The following PIP5K1B variants were observed in gnomAD, a reference collection of about 807,000 sequenced individuals.
PIP5K1B encodes the protein phosphatidylinositol 4-phosphate 5-kinase type-1 beta.
PIP5K1B carries 42 observed loss-of-function variants against 67.0 expected under a neutral mutation model. That is an observed-to-expected ratio of 0.63 (90% confidence interval 0.49 to 0.81). The LOEUF is 0.81. Ranked by LOEUF, PIP5K1B falls within the 30% of genes least tolerant of loss-of-function variation. PIP5K1B has a pLI of 0.00. For missense variants in PIP5K1B, 459 were observed against 646.3 expected (o/e 0.71, Z 3.14); for synonymous variants, 214 against 231.4 (o/e 0.92, Z 0.68).
intron 1 of PIP5K1B, among the ~76,000 whole-genome samples, chr9:68,722,327 T>A (rs10746919): frequency 2.0e-5 from 3 of 151,954 alleles, no homozygotes; most frequent in Admixed American, 2.0e-4. Context: ...GCCTCAGCCT[T>A]CTGAGTAGCT....
In PIP5K1B at chr9:68,991,273, G is replaced by A. The variant is rs1564299399; in HGVS notation, c.1620+16G>A. Reference sequence around the variant, plus strand: ...CGTCTATTTAGTAAGTAATTTTTTAGTTTCCTCTCCTCCACTTCTGGTTTG... The same window carrying A: ...CGTCTATTTAGTAAGTAATTTTTTAATTTCCTCTCCTCCACTTCTGGTTTG... On this transcript the variant is annotated intron_variant, in intron 15 of 15. Transcript: ENST00000265382. 7.4e-7 allele frequency: 1 copy of A among 1,357,344 alleles called. No individual in the cohort carries two copies. Among genetic ancestry groups the A allele is most frequent in the Admixed American group, 1.7e-5 (1 of 59,678 alleles). 84.1% of individuals were successfully genotyped at this position (1,357,344 alleles called of 1,614,324 possible).
chr9:68,826,383 T>C (rs577674256), intron 4 of PIP5K1B, among the ~76,000 whole-genome samples: 29 of 152,330 alleles, frequency 1.9e-4, no homozygotes, highest in South Asian at 4.1e-4. Context: ...TATGAATGAA[T>C]GCTCGCCCAG....
intron 12 of PIP5K1B, 117 bp downstream of exon 12, chr9:68,923,503 G>A (rs1826520716): frequency 1.7e-6 from 1 of 584,114 alleles, no homozygotes; most frequent in Admixed American, 3.3e-5. Context: ...TAATCACTTA[G>A]TAATTATGGT....
At chr9:68,937,315 G>A (rs528036857) in intron 13 of PIP5K1B, among the ~76,000 whole-genome samples, 12 of 152,212 alleles carry the variant, frequency 7.9e-5, no homozygotes, top group Middle Eastern at 3.4e-3. Context: ...TCAGGGATTC[G>A]ACTTCTTCCT....
chr9:68,980,205 A>G (rs962430782), intron 14 of PIP5K1B, among the ~76,000 whole-genome samples: 1 of 152,194 alleles, frequency 6.6e-6, no homozygotes, highest in African/African-American at 2.4e-5. Context: ...CCCTGCCCCA[A>G]CCAAAGGTGA....
intron 3 of PIP5K1B, among the ~76,000 whole-genome samples, chr9:68,820,454 G>T (rs1833681542): frequency 6.6e-6 from 1 of 152,152 alleles, no homozygotes; most frequent in African/African-American, 2.4e-5. Flanking sequence ...TGATTGGTGG[G>T]CAGTACTAGA....
At position 68,819,828 on chromosome 9, in the gene PIP5K1B, A is replaced by G. The variant is rs1833642743; in HGVS notation, c.-1+1283A>G. 2.0e-5 allele frequency among the ~76,000 whole-genome samples: 3 copies of G among 152,154 alleles called. No individual in the cohort carries two copies. In the South Asian group the frequency reaches 6.2e-4, roughly 32 times the overall value. On this transcript the variant is annotated intron_variant, in intron 3 of 15. Transcript: ENST00000265382. ...CCTTTGTTAAACATCACTCTACAGGAAAAATAAATGAATAACTCTTGAATC... is the reference window on the plus strand; with the variant it reads ...CCTTTGTTAAACATCACTCTACAGGGAAAATAAATGAATAACTCTTGAATC...
rs1002723241 is a variant in PIP5K1B, at chr9:69,008,660, T to C, written c.*211T>C. 2.1e-5 allele frequency: 12 copies of C among 578,576 alleles called. No homozygotes were observed. The highest frequency in any genetic ancestry group is 3.8e-5 in the Non-Finnish European group (12 of 313,278). The allele number at this position is 578,576 out of a possible 1,614,324, so 35.8% of individuals were successfully genotyped here. A position where few individuals can be genotyped will look rare whatever the true frequency, so the allele number is the denominator to read the frequency against. On this transcript the variant is annotated 3_prime_UTR_variant, in exon 16 of 16. Coordinates refer to ENST00000265382, the MANE Select transcript of PIP5K1B (RefSeq NM_003558.4). ...AATACTACCCTATTCTATCATTTGC[T>C]GTTGCTTGCTGAACTGTGAAGAACT...
At chr9:68,934,021 A>G (rs954925753) in intron 12 of PIP5K1B, among the ~76,000 whole-genome samples, 2 of 152,192 alleles carry the variant, frequency 1.3e-5, no homozygotes, top group Non-Finnish European at 2.9e-5. Flanking sequence ...TGCCAAAAAC[A>G]TATTCAGGGG....
At chr9:68,723,160 CTG>C (rs35701836) in intron 1 of PIP5K1B, among the ~76,000 whole-genome samples, 47 of 150,748 alleles carry the variant, frequency 3.1e-4, no homozygotes, top group South Asian at 8.4e-4. Context: ...TAATATTCCT[CTG>C]TGTGTGTGTG....
At position 68,842,646 on chromosome 9, in the gene PIP5K1B, A is replaced by G. The variant is rs578176105; in HGVS notation, c.69+19963A>G. On this transcript the variant is annotated intron_variant, in intron 4 of 15. Coordinates refer to ENST00000265382, the MANE Select transcript of PIP5K1B (RefSeq NM_003558.4). ...AGCTGATTTTGCTCACCACCCCTCC[A>G]GAGGGCATTTATTACTGTCTGCAGG... Among the ~76,000 whole-genome samples, 6 of 152,332 alleles carry G rather than the reference A, an allele frequency of 3.9e-5. No homozygotes were observed. The South Asian group carries it at 1.2e-3, about 32-fold the overall frequency.
intron 1 of PIP5K1B, among the ~76,000 whole-genome samples, chr9:68,729,738 A>C (rs767668125): frequency 6.6e-6 from 1 of 152,180 alleles, no homozygotes; most frequent in Non-Finnish European, 1.5e-5. Flanking sequence ...GAAGTAACTG[A>C]GTCTTAAGAA....
intron 14 of PIP5K1B, among the ~76,000 whole-genome samples, chr9:68,958,322 T>G (rs1300369777): frequency 6.6e-6 from 1 of 152,204 alleles, no homozygotes; most frequent in Admixed American, 6.5e-5. Flanking sequence ...CAGGCACCAG[T>G]GATTGTGCCA....
chr9:68,900,713 T>C (rs966180080), intron 8 of PIP5K1B, among the ~76,000 whole-genome samples: 6 of 152,232 alleles, frequency 3.9e-5, no homozygotes, highest in African/African-American at 1.4e-4. Context: ...ATAATTTTTG[T>C]TGAGCCGCAT....
intron 2 of PIP5K1B, among the ~76,000 whole-genome samples, chr9:68,757,258 A>G (rs1228808250): frequency 1.3e-5 from 2 of 152,244 alleles, no homozygotes; most frequent in African/African-American, 2.4e-5. Context: ...AGTATTTGGC[A>G]GCACATTTCT....
rs191255608 is a variant in PIP5K1B, at chr9:68,753,812, C to T, written c.-86+11155C>T. ...GTGCTGGGATTACAGGCGTGAGCCACCGCACACAGCCTAATTTTTGTATTT... is the reference window on the plus strand; with the variant it reads ...GTGCTGGGATTACAGGCGTGAGCCATCGCACACAGCCTAATTTTTGTATTT... On this transcript the variant is annotated intron_variant, in intron 2 of 15. Coordinates refer to ENST00000265382, the MANE Select transcript of PIP5K1B (RefSeq NM_003558.4). Among the ~76,000 whole-genome samples the T allele has an allele frequency of 1.9e-3, 288 of 152,196 alleles. 3 individuals are homozygous for T. The highest frequency in any genetic ancestry group is 6.6e-3 in the African/African-American group (275 of 41,532).
At chr9:68,837,602 T>C (rs1821682259) in intron 4 of PIP5K1B, among the ~76,000 whole-genome samples, 1 of 66,030 alleles carries the variant, frequency 1.5e-5, no homozygotes, top group African/African-American at 5.5e-5. Context: ...TTTTCCTTAC[T>C]TTGTGTTTTT....
In PIP5K1B at chr9:68,794,390, TTTTCTTTC is replaced by T. The variant is rs141128949; in HGVS notation, c.-85-24047_-85-24040del. Among the ~76,000 whole-genome samples the T allele has an allele frequency of 4.2e-3, 634 of 150,648 alleles. 1 individual carries two copies. Among genetic ancestry groups the T allele is most frequent in the African/African-American group, 0.011 (445 of 40,924 alleles). On this transcript the variant is annotated intron_variant, in intron 2 of 15. Coordinates refer to ENST00000265382, the MANE Select transcript of PIP5K1B (RefSeq NM_003558.4). ...ACAATCAAGGATAAATGACAGTTTC[TTTTCTTTC>T]TTTCTTTCTTTCTTTCTTTCTTTTC...
chr9:68,792,451 TG>T (rs1832026711), intron 2 of PIP5K1B, among the ~76,000 whole-genome samples: 1 of 122,684 alleles, frequency 8.2e-6, no homozygotes, highest in African/African-American at 3.1e-5. Context: ...CTGTGGCACA[TG>T]TGTTTTTTTG....
Sources: gnomAD v4.1 joint callset for allele counts (sites outside exome capture counted in the v4.1 genomes callset) on GRCh38, gnomAD v4.1.1 for gene constraint, MANE v1.5 for transcripts, NCBI Gene and HGNC (gene_info 2026-07-23, HGNC 2026-07-21) for gene names.